Variants in LRRFIP2 observed in about 807,000 individuals in gnomAD.
The protein encoded by LRRFIP2 is LRR binding FLII interacting protein 2.
LRRFIP2 carries 109 observed loss-of-function variants against 125.9 expected under a neutral mutation model. The ratio of observed to expected loss-of-function variants is 0.87; its 90% CI spans 0.74 to 1.01. LRRFIP2 has a LOEUF of 1.01. Ranked by LOEUF, LRRFIP2 falls within the 50% of genes least tolerant of loss-of-function variation. LRRFIP2 has a pLI of 0.00. For synonymous variants in LRRFIP2, 291 were observed against 293.1 expected (o/e 0.99, Z 0.07); for missense variants, 850 against 862.3 (o/e 0.99, Z 0.18).
rs560523620 is a variant in LRRFIP2 at position 37,094,982 on chromosome 3, G to A, written c.919-74C>T. 5.2e-6 allele frequency: 5 copies of A among 959,188 alleles called. No homozygotes were observed. The Admixed American group carries it at 6.9e-5, about 13-fold the overall frequency. The allele number at this position is 959,188 out of a possible 1,614,324, so 59.4% of individuals were successfully genotyped here. A position where few individuals can be genotyped will look rare whatever the true frequency, so the allele number is the denominator to read the frequency against. On this transcript the variant is annotated intron_variant, in intron 16 of 27. Coordinates refer to ENST00000336686, the MANE Select transcript of LRRFIP2 (RefSeq NM_006309.4). ...GTTTGCTGTGGAAACTAAAAACAGGGCAGGGTGGTTGGGGGAAGATGTGGG... is the reference window on the plus strand; with the variant it reads ...GTTTGCTGTGGAAACTAAAAACAGGACAGGGTGGTTGGGGGAAGATGTGGG...
chr3:37,166,497 A>G (rs1049825495), intron 1 of LRRFIP2, among the ~76,000 whole-genome samples: 25 of 152,118 alleles, frequency 1.6e-4, no homozygotes, highest in African/African-American at 5.6e-4. Context: ...AACAACAAAA[A>G]CCCAATTAAA....
intron 8 of LRRFIP2, among the ~76,000 whole-genome samples, 174 bp from the exon 9 acceptor site, chr3:37,111,239 G>A (rs962936634): frequency 6.6e-6 from 1 of 152,050 alleles, no homozygotes; most frequent in Admixed American, 6.5e-5. Context: ...ATTATTTCAA[G>A]CCCCTAAAAC....
chr3:37,147,403 T>C (rs1412748798), intron 2 of LRRFIP2, among the ~76,000 whole-genome samples: 1 of 152,230 alleles, frequency 6.6e-6, no homozygotes, highest in Non-Finnish European at 1.5e-5. Flanking sequence ...ACATGTACGT[T>C]CACTGGAGCA....
At chr3:37,166,793 C>T (rs1056660366) in intron 1 of LRRFIP2, among the ~76,000 whole-genome samples, 6 of 150,942 alleles carry the variant, frequency 4.0e-5, no homozygotes, top group South Asian at 2.1e-4. Flanking sequence ...CTGAGGTGGG[C>T]GGATCACCTG....
At chr3:37,071,056 C>T (rs954833182) in intron 21 of LRRFIP2, among the ~76,000 whole-genome samples, 3 of 152,156 alleles carry the variant, frequency 2.0e-5, no homozygotes, top group African/African-American at 7.2e-5. Context: ...TTTCACTTTT[C>T]AATTTCAAAT....
intron 2 of LRRFIP2, among the ~76,000 whole-genome samples, chr3:37,137,660 C>T (rs892709337): frequency 1.3e-5 from 2 of 152,124 alleles, no homozygotes; most frequent in Non-Finnish European, 2.9e-5. Context: ...AGCCTTTACT[C>T]TCATTTTTTA....
chr3:37,091,157 CTTGAGCCCAGGAAT>C (rs1443695541), intron 18 of LRRFIP2, among the ~76,000 whole-genome samples: 2 of 151,892 alleles, frequency 1.3e-5, no homozygotes, highest in South Asian at 2.1e-4. Context: ...AGGAGGATGG[CTTGAGCCCAGGAAT>C]TTGAGACCAG....
At chr3:37,105,905 A>G (rs1326711861) in intron 13 of LRRFIP2, among the ~76,000 whole-genome samples, 2 of 152,186 alleles carry the variant, frequency 1.3e-5, no homozygotes, top group Non-Finnish European at 2.9e-5. Flanking sequence ...TCTCTACTAA[A>G]AATACAAAAA....
chr3:37,054,110 T>G (rs2086118847), intron 27 of LRRFIP2, 149 bp from the exon 28 acceptor site: 1 of 628,478 alleles, frequency 1.6e-6, no homozygotes, highest in Admixed American at 2.7e-5. Flanking sequence ...CAGTTAGAGG[T>G]GTTAAATGAT....
chr3:37,156,341 A>G (rs1053697263), intron 1 of LRRFIP2, among the ~76,000 whole-genome samples: 2 of 151,796 alleles, frequency 1.3e-5, no homozygotes, highest in African/African-American at 4.8e-5. Context: ...TTAATTTTTT[A>G]TAATAAAATG....
chr3:37,120,105 C>CTT (rs201402337), intron 6 of LRRFIP2, among the ~76,000 whole-genome samples: 17 of 129,510 alleles, frequency 1.3e-4, no homozygotes, highest in South Asian at 7.4e-4. Context: ...TGTTAATATT[C>CTT]TTTTTTTTTT....
At position 37,061,471 on chromosome 3, in the gene LRRFIP2, T is replaced by A. The variant is rs2088699033; in HGVS notation, c.1749+2271A>T. ...CCAAGGCTGGAGTGCAGTGGCGCAA[T>A]CTTGGCTCACTGCAGCCTCCACCTC... On this transcript the variant is annotated intron_variant, in intron 24 of 27. Coordinates refer to ENST00000336686, the MANE Select transcript of LRRFIP2 (RefSeq NM_006309.4). Among the ~76,000 whole-genome samples the A allele has an allele frequency of 3.3e-5, 5 of 151,088 alleles. No individual in the cohort carries two copies. The South Asian group carries it at 1.0e-3, about 32-fold the overall frequency.
chr3:37,087,910 G>C (rs1228912774), intron 18 of LRRFIP2, among the ~76,000 whole-genome samples: 1 of 152,222 alleles, frequency 6.6e-6, no homozygotes, highest in South Asian at 2.1e-4. Flanking sequence ...CTAAGTCACC[G>C]ATTTTCAAAG....
At chr3:37,175,674 G>T (rs796829863), upstream of LRRFIP2, 1 of 152,282 alleles carries the variant, frequency 6.6e-6, no homozygotes, top group South Asian at 2.1e-4. Context: ...GCCCTACACC[G>T]TCCTGACACC....
intron 18 of LRRFIP2, among the ~76,000 whole-genome samples, chr3:37,090,081 T>C (rs1207969437): frequency 1.3e-5 from 2 of 152,216 alleles, no homozygotes; most frequent in Non-Finnish European, 2.9e-5. Context: ...ATAGTGGCGC[T>C]ACTTCAAATC....
At chr3:37,074,910 A>G (rs779247771) in intron 20 of LRRFIP2, 114 bp downstream of exon 20, 71 of 697,180 alleles carry the variant, frequency 1.0e-4, no homozygotes, top group Non-Finnish European at 1.7e-4. Context: ...GTACAGTCAA[A>G]TATAAAGAGA....
At position 37,052,823 on chromosome 3, in the gene LRRFIP2, T is replaced by A. The variant is rs1345103281; in HGVS notation, c.*1028A>T. The A allele has an allele frequency of 6.6e-6, 1 of 152,178 alleles. No homozygotes were observed. The allele number at this position is 152,178 out of a possible 1,614,324, so 9.4% of individuals were successfully genotyped here. A position where few individuals can be genotyped will look rare whatever the true frequency, so the allele number is the denominator to read the frequency against. On this transcript the variant is annotated 3_prime_UTR_variant, in exon 28 of 28. Coordinates refer to ENST00000336686, the MANE Select transcript of LRRFIP2 (RefSeq NM_006309.4). ...GAGAATCATAAATTCTGCAAAGTAG[T>A]TGCACTCCATGATTTTAAAAAAACC...
chr3:37,165,278 G>A (rs532129016), intron 1 of LRRFIP2, among the ~76,000 whole-genome samples: 1 of 151,864 alleles, frequency 6.6e-6, no homozygotes, highest in East Asian at 1.9e-4. Context: ...CTGTGCATGT[G>A]AGGGATCTAG....
At chr3:37,061,929 C>T (rs1182677452) in intron 24 of LRRFIP2, among the ~76,000 whole-genome samples, 1 of 152,176 alleles carries the variant, frequency 6.6e-6, no homozygotes, top group African/African-American at 2.4e-5. Flanking sequence ...TCTCTAGACC[C>T]GAATTCCAAC....
Sources: gnomAD v4.1 joint callset for allele counts (sites outside exome capture counted in the v4.1 genomes callset) on GRCh38, gnomAD v4.1.1 for gene constraint, MANE v1.5 for transcripts, NCBI Gene and HGNC (gene_info 2026-07-23, HGNC 2026-07-21) for gene names.